Variants in RAB37 observed in about 807,000 individuals in gnomAD.
RAB37 encodes the protein ras-related protein Rab-37.
Under a neutral mutation model 33.1 loss-of-function variants are expected in RAB37, and 29 were observed. The ratio of observed to expected loss-of-function variants is 0.88; its 90% CI spans 0.65 to 1.20. RAB37 has a LOEUF of 1.20. RAB37 is among the 50% of genes most tolerant of loss of function. The probability of loss-of-function intolerance (pLI) is 0.00; values close to 1 mark genes in which losing one functional copy is unlikely to be tolerated. For missense variants in RAB37, 299 were observed against 301.1 expected (o/e 0.99, Z 0.05); for synonymous variants, 128 against 119.5 (o/e 1.07, Z -0.47).
chr17:74,708,881 A>G (rs1415318346), intron 1 of RAB37, among the ~76,000 whole-genome samples: 1 of 150,060 alleles, frequency 6.7e-6, no homozygotes, highest in Non-Finnish European at 1.5e-5. Flanking sequence ...GCGCCACTGC[A>G]CTCCAGCCTG....
At chr17:74,721,464 G>A (rs980889271) in intron 1 of RAB37, among the ~76,000 whole-genome samples, 1 of 132,156 alleles carries the variant, frequency 7.6e-6, no homozygotes, top group Non-Finnish European at 1.6e-5. Context: ...ATGGAGTCTT[G>A]TTCTGTCACC....
Position 74,671,723 on chromosome 17 carries a change from A to G in RAB37, c.72+65A>G. ...GGCGCCAGCACCAGGAGTTTTCTCC[A>G]CTCCCCTGACTTTGCTTTGGGACTT... On this transcript the variant is annotated intron_variant, in intron 1 of 7. Coordinates refer to the RAB37 transcript ENST00000340415. This position sits in a 1 kb window ranked among gnomAD's most constrained non-coding sequence, Gnocchi z 5.0. 7.1e-7 allele frequency: 1 copy of G among 1,412,704 alleles called. No homozygotes were observed. Among genetic ancestry groups the G allele is most frequent in the Non-Finnish European group, 1.0e-6 (1 of 999,282 alleles). The allele number at this position is 1,412,704 out of a possible 1,614,324, so 87.5% of individuals were successfully genotyped here. A position where few individuals can be genotyped will look rare whatever the true frequency, so the allele number is the denominator to read the frequency against.
At chr17:74,698,950 G>A (rs2032782634) in intron 1 of RAB37, among the ~76,000 whole-genome samples, 2 of 152,126 alleles carry the variant, frequency 1.3e-5, no homozygotes, top group African/African-American at 4.8e-5. Context: ...ACAGAGTCTT[G>A]CTCTGTCACC....
intron 1 of RAB37, chr17:74,698,217 C>T (rs2032694334): frequency 3.1e-6 from 2 of 644,574 alleles, no homozygotes; most frequent in African/African-American, 1.8e-5. Context: ...CAGGGCGCCC[C>T]CCGGTCCCCT....
At chr17:74,672,260 T>C (rs148580608) in intron 1 of RAB37, among the ~76,000 whole-genome samples, 129 of 149,254 alleles carry the variant, frequency 8.6e-4, no homozygotes, top group African/African-American at 2.7e-3. Context: ...CCCCCTAAGA[T>C]AGTTGTTGGG....
chr17:74,696,862 G>A (rs1365039594), intron 1 of RAB37, among the ~76,000 whole-genome samples: 1 of 152,178 alleles, frequency 6.6e-6, no homozygotes, highest in East Asian at 1.9e-4. Flanking sequence ...CCAACCCCGA[G>A]TAGAATGTGC....
chr17:74,695,329 G>A (rs2032333319), intron 1 of RAB37: 2 of 1,539,916 alleles, frequency 1.3e-6, no homozygotes, highest in Admixed American at 3.6e-5. Flanking sequence ...CTCGGAGGAG[G>A]ATAGTGGGGA....
chr17:74,673,499 T>C (rs1043912005), intron 1 of RAB37, among the ~76,000 whole-genome samples: 2 of 151,102 alleles, frequency 1.3e-5, no homozygotes, highest in African/African-American at 4.9e-5. Flanking sequence ...TATGTGGGTC[T>C]CTCCAAGTTT....
At chr17:74,678,480 G>A (rs538038467) in intron 1 of RAB37, among the ~76,000 whole-genome samples, 15 of 152,200 alleles carry the variant, frequency 9.9e-5, no homozygotes, top group African/African-American at 1.9e-4. Context: ...GCTTATCAGC[G>A]CCTTTTCATT....
intron 1 of RAB37, among the ~76,000 whole-genome samples, chr17:74,726,160 G>A (rs1235779937): frequency 1.3e-5 from 2 of 151,612 alleles, no homozygotes; most frequent in African/African-American, 4.8e-5. Context: ...GCTTGAACTC[G>A]GGAGGCAAAG....
chr17:74,744,473 A>G lies in RAB37; in HGVS notation c.432+100A>G. The G allele has an allele frequency of 8.7e-7, 1 of 1,154,804 alleles. No homozygotes were observed. 71.5% of individuals were successfully genotyped at this position (1,154,804 alleles called of 1,614,324 possible). On this transcript the variant is annotated intron_variant, in intron 6 of 8. Transcript: ENST00000392613. This position sits in a 1 kb window ranked among gnomAD's most constrained non-coding sequence, Gnocchi z 4.2. Reference sequence around the variant, plus strand: ...ACAGTTATCTAGGCATCCTTCCTGAAAAGGACTCTGCAGCCTCCAGCTCAG... The same window carrying G: ...ACAGTTATCTAGGCATCCTTCCTGAGAAGGACTCTGCAGCCTCCAGCTCAG...
At chr17:74,707,488 G>T (rs890643991) in intron 1 of RAB37, among the ~76,000 whole-genome samples, 3 of 152,180 alleles carry the variant, frequency 2.0e-5, no homozygotes, top group African/African-American at 7.2e-5. Context: ...GCCACATTGG[G>T]TGGATCATCT....
chr17:74,720,333 C>T (rs2034222505), intron 1 of RAB37, among the ~76,000 whole-genome samples: 1 of 152,054 alleles, frequency 6.6e-6, no homozygotes, highest in South Asian at 2.1e-4. Flanking sequence ...GACTGTAATG[C>T]CAGCACTTTG....
At chr17:74,672,945 A>G (rs1050874491) in intron 1 of RAB37, 3 of 152,260 alleles carry the variant, frequency 2.0e-5, no homozygotes, top group African/African-American at 7.2e-5. Flanking sequence ...TCTAGATCTG[A>G]CAGTCCATGT....
chr17:74,696,293 G>A (rs1598204922), intron 1 of RAB37: 3 of 1,473,188 alleles, frequency 2.0e-6, no homozygotes, highest in East Asian at 4.8e-5. Flanking sequence ...CTAGGGAAGA[G>A]AAATATGGAA....
chr17:74,709,414 C>T (rs1214445538), intron 1 of RAB37, among the ~76,000 whole-genome samples: 1 of 152,134 alleles, frequency 6.6e-6, no homozygotes, highest in Non-Finnish European at 1.5e-5. Context: ...TATCAAAAAC[C>T]TCAGCAAGCA....
At chr17:74,695,733 CATA>C in intron 1 of RAB37, 1 of 1,614,142 alleles carries the variant, frequency 6.2e-7, no homozygotes. Flanking sequence ...ACCATGGTGA[CATA>C]TTCCACTTCC....
chr17:74,717,958 A>AC (rs1171122359), intron 1 of RAB37, among the ~76,000 whole-genome samples: 1 of 151,754 alleles, frequency 6.6e-6, no homozygotes, highest in Non-Finnish European at 1.5e-5. Flanking sequence ...TTGACCTTGG[A>AC]CTCTCCAGGC....
rs577875395 is a variant in RAB37, at chr17:74,742,069, C to T, written c.205-185C>T. Among the ~76,000 whole-genome samples the T allele has an allele frequency of 2.6e-5, 4 of 152,174 alleles. No homozygotes were observed. The highest frequency in any genetic ancestry group is 4.4e-5 in the Non-Finnish European group (3 of 68,034). ...AGGCAGTTACAGTCCTCAGAAGGGA[C>T]GACTCCACAGTGGAGGTGTCTGGGT... On this transcript the variant is annotated intron_variant, in intron 2 of 8. Transcript: ENST00000392613. This position sits in a 1 kb window ranked among gnomAD's most constrained non-coding sequence, Gnocchi z 4.0.
Sources: allele counts gnomAD v4.1 joint callset (sites outside exome capture counted in the v4.1 genomes callset), GRCh38; gene constraint gnomAD v4.1.1; non-coding constraint Gnocchi (gnomAD v3.1); transcripts MANE v1.5; gene names NCBI Gene and HGNC (gene_info 2026-07-23, HGNC 2026-07-21).